The following SGMS1 variants were observed in gnomAD, a reference collection of about 807,000 sequenced individuals.
The protein encoded by SGMS1 is phosphatidylcholine:ceramide cholinephosphotransferase 1.
Under a neutral mutation model 46.2 loss-of-function variants are expected in SGMS1, and 13 were observed. That is an observed-to-expected ratio of 0.28 (90% CI 0.18 to 0.45). The LOEUF is 0.45. Among genes scored for constraint, SGMS1 ranks in the 20% least tolerant of loss-of-function variants. The pLI is 1.00. For synonymous variants in SGMS1, 203 were observed against 187.8 expected, an observed-to-expected ratio of 1.08 and a Z score of -0.66; for missense variants, 324 against 519.9, an observed-to-expected ratio of 0.62 and a Z score of 3.66.
Position 50,344,134 on chromosome 10 carries a change from C to T in SGMS1, c.-20G>A. The T allele has an allele frequency of 6.3e-7, 1 of 1,577,560 alleles. No individual in the cohort carries two copies. On this transcript the variant is annotated 5_prime_UTR_variant, in exon 7 of 11. Transcript: ENST00000361781. ...CTTCATTGTACTGGCAGACAGCAGGCAGTCCCCAGCTCTCTCTTGGCAGGT... is the reference window on the plus strand; with the variant it reads ...CTTCATTGTACTGGCAGACAGCAGGTAGTCCCCAGCTCTCTCTTGGCAGGT...
intron 5 of SGMS1, among the ~76,000 whole-genome samples, chr10:50,448,778 A>G (rs570884506): frequency 1.3e-5 from 2 of 151,778 alleles, no homozygotes; most frequent in East Asian, 1.9e-4. Context: ...AAAGACATAT[A>G]CACACTAGGA....
At chr10:50,444,327 G>A (rs1203393) in intron 5 of SGMS1, among the ~76,000 whole-genome samples, 32,583 of 151,950 alleles carry the variant, frequency 0.21, 3,703 homozygotes, top group Non-Finnish European at 0.25. Flanking sequence ...CATAATAAAA[G>A]AAGACTACAG....
intron 1 of SGMS1, among the ~76,000 whole-genome samples, chr10:50,609,755 C>T (rs1838732397): frequency 6.6e-6 from 1 of 151,922 alleles, no homozygotes; most frequent in Non-Finnish European, 1.5e-5. Context: ...AAAATAAGCC[C>T]CTAAAAGTAG....
At chr10:50,450,678 A>G (rs1017524281) in intron 5 of SGMS1, among the ~76,000 whole-genome samples, 1 of 152,124 alleles carries the variant, frequency 6.6e-6, no homozygotes, top group Non-Finnish European at 1.5e-5. Flanking sequence ...ACATTTTTAA[A>G]TGTGATATAA....
chr10:50,533,305 G>T (rs1299201254), intron 2 of SGMS1, among the ~76,000 whole-genome samples: 2 of 152,130 alleles, frequency 1.3e-5, no homozygotes, highest in Non-Finnish European at 2.9e-5. Context: ...TGATGGAACT[G>T]GCAAAGGTCA....
In SGMS1 at chr10:50,612,496, A is replaced by G. The variant is rs557460938; in HGVS notation, c.-684+11211T>C. ...GGCGAAAAGGAGGAGTGGAGGGGAG[A>G]AAAAAGAAAACAAGGAACTGGAACC... On this transcript the variant is annotated intron_variant, in intron 1 of 10. Transcript: ENST00000361781. Among the ~76,000 whole-genome samples the G allele has an allele frequency of 2.6e-5, 4 of 152,334 alleles. No individual in the cohort carries two copies. The South Asian group carries it at 6.2e-4, about 24-fold the overall frequency.
At chr10:50,396,130 T>C (rs1564900766) in intron 6 of SGMS1, among the ~76,000 whole-genome samples, 1 of 152,166 alleles carries the variant, frequency 6.6e-6, no homozygotes, top group Non-Finnish European at 1.5e-5. Flanking sequence ...GGGGAAAAGT[T>C]AGCCTTTGGT....
At chr10:50,424,046 A>G (rs1849291549) in intron 6 of SGMS1, among the ~76,000 whole-genome samples, 1 of 152,250 alleles carries the variant, frequency 6.6e-6, no homozygotes, top group Non-Finnish European at 1.5e-5. Flanking sequence ...AATGCTATAT[A>G]TGTCCAAGGT....
intron 2 of SGMS1, among the ~76,000 whole-genome samples, chr10:50,589,945 G>C (rs1179602412): frequency 6.6e-6 from 1 of 151,998 alleles, no homozygotes; most frequent in Non-Finnish European, 1.5e-5. Flanking sequence ...CAAGAATTTA[G>C]GAAAAAATGT....
At chr10:50,380,938 C>G (rs10825825) in intron 6 of SGMS1, among the ~76,000 whole-genome samples, 33,862 of 151,572 alleles carry the variant, frequency 0.22, 3,919 homozygotes, top group East Asian at 0.31. Context: ...CCAAATGATC[C>G]TCCCATCTCA....
intron 2 of SGMS1, among the ~76,000 whole-genome samples, chr10:50,548,615 A>C (rs1314540882): frequency 6.6e-6 from 1 of 152,204 alleles, no homozygotes; most frequent in Non-Finnish European, 1.5e-5. Context: ...CCCTAGAAGA[A>C]AGTCTAGGCA....
intron 1 of SGMS1, among the ~76,000 whole-genome samples, chr10:50,604,464 T>C (rs1377576401): frequency 6.6e-6 from 1 of 152,236 alleles, no homozygotes; most frequent in Non-Finnish European, 1.5e-5. Context: ...ATTATTTGCC[T>C]AGACGTCTGA....
At chr10:50,569,818 G>T (rs1838321796) in intron 2 of SGMS1, among the ~76,000 whole-genome samples, 1 of 152,122 alleles carries the variant, frequency 6.6e-6, no homozygotes, top group Admixed American at 6.5e-5. Context: ...CAAGCTGGAT[G>T]GTAGCTTCCC....
intron 8 of SGMS1, among the ~76,000 whole-genome samples, chr10:50,321,725 G>A (rs976014220): frequency 3.3e-5 from 5 of 152,174 alleles, no homozygotes; most frequent in Non-Finnish European, 4.4e-5. Context: ...ATACTGATAA[G>A]GTTAGCAGGA....
At chr10:50,624,776 G>C, upstream of SGMS1, 1 of 986,286 alleles carries the variant, frequency 1.0e-6, no homozygotes, top group Non-Finnish European at 1.2e-6. Context: ...AGCGGGGAGA[G>C]CTGGCCTTCC....
At chr10:50,365,965 T>G (rs1222239309) in intron 6 of SGMS1, among the ~76,000 whole-genome samples, 1 of 152,130 alleles carries the variant, frequency 6.6e-6, no homozygotes, top group Non-Finnish European at 1.5e-5. Flanking sequence ...CTGGGTCAAA[T>G]GGTAAAATAT....
intron 5 of SGMS1, among the ~76,000 whole-genome samples, chr10:50,443,624 A>G (rs2133642600): frequency 6.6e-6 from 1 of 152,234 alleles, no homozygotes; most frequent in Middle Eastern, 3.4e-3. Context: ...AACCCACACT[A>G]TAAGAAATGC....
chr10:50,408,454 AAC>A (rs1168136416), intron 6 of SGMS1, among the ~76,000 whole-genome samples: 91 of 148,342 alleles, frequency 6.1e-4, no homozygotes, highest in African/African-American at 1.9e-3. Context: ...AAAAAAAAAA[AAC>A]AAAATAAAAA....
rs953449601 is a variant in SGMS1 at position 50,557,557 on chromosome 10, C to T, written c.-589+32596G>A. Among the ~76,000 whole-genome samples the T allele has an allele frequency of 6.2e-5, 9 of 144,788 alleles. No individual in the cohort carries two copies. The East Asian group carries it at 1.0e-3, about 16-fold the overall frequency. 95.0% of individuals were successfully genotyped at this position (144,788 alleles called of 152,430 possible). The stretch of plus-strand genomic sequence containing the variant: ...ATAGCTCAATTACTAAAATTTTTAA[C>T]GAAAAGACTTTTAAAAGGAAAATAT... On this transcript the variant is annotated intron_variant, in intron 2 of 10. Coordinates refer to ENST00000361781, the MANE Select transcript of SGMS1 (RefSeq NM_147156.4).
Sources: gnomAD v4.1 joint callset for allele counts (sites outside exome capture counted in the v4.1 genomes callset) on GRCh38, gnomAD v4.1.1 for gene constraint, MANE v1.5 for transcripts, NCBI Gene and HGNC (gene_info 2026-07-23, HGNC 2026-07-21) for gene names.